CHAF1B: variants seen among roughly 807,000 people sequenced by gnomAD.
The protein encoded by CHAF1B is chromatin assembly factor 1 subunit B, also known as CAF-1 subunit B.
In CHAF1B, 10 loss-of-function variants were observed where a neutral mutation model predicts 60.7. The observed-to-expected ratio is 0.16, with a 90% confidence interval of 0.10 to 0.28. CHAF1B has a LOEUF of 0.28. Among genes scored for constraint, CHAF1B ranks in the 10% least tolerant of loss-of-function variants. The pLI is 1.00. For missense variants in CHAF1B, 558 were observed against 708.4 expected (o/e 0.79, Z 2.41); for synonymous variants, 261 against 266.1 (o/e 0.98, Z 0.19).
At chr21:36,392,179 C>G (rs562600867) in intron 4 of CHAF1B, among the ~76,000 whole-genome samples, 4 of 151,826 alleles carry the variant, frequency 2.6e-5, no homozygotes, top group African/African-American at 7.3e-5. Context: ...CATCTTGTAC[C>G]GTCCTTAATC....
chr21:36,412,568 G>C (rs1027609245), intron 11 of CHAF1B, among the ~76,000 whole-genome samples: 5 of 152,018 alleles, frequency 3.3e-5, no homozygotes, highest in African/African-American at 1.2e-4. Context: ...CACCATGTTG[G>C]CCAGGCTGGT....
At chr21:36,396,766 T>C (rs2086143322) in intron 5 of CHAF1B, among the ~76,000 whole-genome samples, 1 of 152,208 alleles carries the variant, frequency 6.6e-6, no homozygotes, top group South Asian at 2.1e-4. Flanking sequence ...TTTCCATCCC[T>C]GTTCGCATTG....
At position 36,409,354 on chromosome 21, in the gene CHAF1B, C is replaced by T. The variant is rs1568818969; in HGVS notation, c.828-20C>T. On this transcript the variant is annotated intron_variant, in intron 9 of 13. Coordinates refer to ENST00000314103, the MANE Select transcript of CHAF1B (RefSeq NM_005441.3). ...GCTTAGTCACAGTGCCTTTTCCTAA[C>T]ACTGCAATTAATCCATTAGGCCCAT... The T allele has an allele frequency of 1.9e-6, 3 of 1,596,818 alleles. No individual in the cohort carries two copies. Among genetic ancestry groups the T allele is most frequent in the Admixed American group, 1.7e-5 (1 of 59,428 alleles).
At chr21:36,387,782 G>A in intron 3 of CHAF1B, 52 bp downstream of exon 3, 1 of 1,579,592 alleles carries the variant, frequency 6.3e-7, no homozygotes, top group Non-Finnish European at 8.7e-7. Context: ...AGATACCTGT[G>A]TGTCTTGTGT....
chr21:36,396,155 A>C (rs2086135722), intron 5 of CHAF1B, among the ~76,000 whole-genome samples: 2 of 149,636 alleles, frequency 1.3e-5, no homozygotes, highest in South Asian at 2.1e-4. Flanking sequence ...GCCCGCCACC[A>C]CTCCCAGCTA....
intron 4 of CHAF1B, among the ~76,000 whole-genome samples, chr21:36,391,926 T>TA (rs1273333530): frequency 2.9e-4 from 41 of 141,396 alleles, no homozygotes; most frequent in African/African-American, 1.1e-3. Context: ...TTTTTTTTTT[T>TA]TTTTTTTTTT....
chr21:36,412,863 T>A, intron 11 of CHAF1B, 21 bp from the exon 12 acceptor site: 2 of 1,600,956 alleles, frequency 1.2e-6, no homozygotes, highest in South Asian at 1.1e-5. Context: ...TCTGTAACTT[T>A]TCCCTGTTTT....
In CHAF1B at chr21:36,394,641, G is replaced by A. The variant is rs1279874172; in HGVS notation, c.472G>A (p.Val158Ile). 15 of 1,600,838 alleles carry A rather than the reference G, an allele frequency of 9.4e-6. No homozygotes were observed. Among genetic ancestry groups the A allele is most frequent in the Non-Finnish European group, 1.3e-5 (15 of 1,170,254 alleles). Residue 158 changes from valine (V) to isoleucine (I), a missense_variant, in exon 5 of 14, where the codon GTC (valine) becomes ATC (isoleucine). Around this residue, in one of 2 missense-constraint regions of CHAF1B, gnomAD observed 325 missense variants for 493.5 expected, o/e 0.66. Coordinates refer to ENST00000314103, the MANE Select transcript of CHAF1B (RefSeq NM_005441.3). Reference sequence around the variant, plus strand: ...GGATAACACAGCCATCATATGGGATGTCAGCAAAGGTAAATGATATATTTT... The same window carrying A: ...GGATAACACAGCCATCATATGGGATATCAGCAAAGGTAAATGATATATTTT... ...SVDNTAIIWDVSKGQKISIFN... is the reference protein window; with the variant it reads ...SVDNTAIIWDISKGQKISIFN...
chr21:36,391,812 C>G (rs1034460494), intron 4 of CHAF1B, 144 bp downstream of exon 4: 8 of 489,954 alleles, frequency 1.6e-5, no homozygotes, highest in African/African-American at 1.4e-4. Context: ...GATCACAGTA[C>G]CCTGCAGCCT....
intron 7 of CHAF1B, among the ~76,000 whole-genome samples, chr21:36,401,100 C>G (rs1257267785): frequency 6.6e-6 from 1 of 151,874 alleles, no homozygotes; most frequent in Non-Finnish European, 1.5e-5. Context: ...AACCCTGTCT[C>G]TACTAGAAAT....
At chr21:36,389,814 GA>G (rs2086071972) in intron 3 of CHAF1B, among the ~76,000 whole-genome samples, 7 of 105,648 alleles carry the variant, frequency 6.6e-5, no homozygotes, top group African/African-American at 2.7e-4. Flanking sequence ...CGCGCACGCT[GA>G]TTTGTAGAGG....
At chr21:36,414,366 T>C (rs2146378358) in intron 12 of CHAF1B, among the ~76,000 whole-genome samples, 2 of 152,342 alleles carry the variant, frequency 1.3e-5, no homozygotes, top group South Asian at 4.1e-4. Flanking sequence ...GGCAAGTTCA[T>C]AATATGTGTA....
intron 8 of CHAF1B, among the ~76,000 whole-genome samples, chr21:36,403,476 A>G (rs543244183): frequency 3.7e-3 from 559 of 151,302 alleles, no homozygotes; most frequent in African/African-American, 0.012. Flanking sequence ...AAAAAAAAAA[A>G]AAAAGAAACT....
At chr21:36,407,934 C>T (rs931776485) in intron 8 of CHAF1B, among the ~76,000 whole-genome samples, 5 of 151,714 alleles carry the variant, frequency 3.3e-5, no homozygotes, top group East Asian at 1.9e-4. Context: ...GCCAAGATCA[C>T]GCCATCGCAC....
intron 3 of CHAF1B, 90 bp downstream of exon 3, chr21:36,387,820 CTT>C (rs372818231): frequency 0.049 from 52,435 of 1,076,930 alleles, 156 homozygotes; most frequent in Admixed American, 0.08. Context: ...GCTGGATATG[CTT>C]TTTTTTTTTT....
rs935334426 is a variant in CHAF1B, at chr21:36,416,437, G to C, written c.*71G>C. 3.5e-5 allele frequency: 44 copies of C among 1,273,596 alleles called. No individual in the cohort carries two copies. Among genetic ancestry groups the C allele is most frequent in the Non-Finnish European group, 4.9e-5 (44 of 903,002 alleles). The allele number at this position is 1,273,596 out of a possible 1,614,324, so 78.9% of individuals were successfully genotyped here. On this transcript the variant is annotated 3_prime_UTR_variant, in exon 14 of 14. Coordinates refer to ENST00000314103, the MANE Select transcript of CHAF1B (RefSeq NM_005441.3). ...GCAGGGAGACGGTAAAGCTGGAGGT[G>C]CCTGAGACCAGGGCTTCCATGGAGC...
chr21:36,392,336 C>T (rs1470221780), intron 4 of CHAF1B, among the ~76,000 whole-genome samples: 1 of 152,242 alleles, frequency 6.6e-6, no homozygotes, highest in Non-Finnish European at 1.5e-5. Context: ...TCTACACAGA[C>T]ACAGCAACAA....
chr21:36,411,487 A>G lies in CHAF1B; in HGVS notation c.944A>G (p.Tyr315Cys). The G allele has an allele frequency of 6.2e-7, 1 of 1,613,878 alleles. No individual in the cohort carries two copies. Among genetic ancestry groups the G allele is most frequent in the Non-Finnish European group, 8.5e-7 (1 of 1,179,974 alleles). Residue 315 changes from tyrosine (Y) to cysteine (C), a missense_variant, in exon 11 of 14, where the codon TAC (tyrosine) becomes TGC (cysteine). By Grantham distance (194) the Tyr-to-Cys change is radical (BLOSUM62 -2). This residue lies in a region of CHAF1B where 325 missense variants were observed against 493.5 expected (regional missense o/e 0.66). Transcript: ENST00000314103. ...GGTGTGGAGCTGATGAGTCTGCCCT[A>G]CCGCCTGGTGTTTGCTGTGGCCTCG... ...ETGVELMSLP[Y>C]RLVFAVASED...
intron 11 of CHAF1B, 145 bp from the exon 12 acceptor site, chr21:36,412,739 C>A (rs1444547089): frequency 8.4e-6 from 6 of 712,006 alleles, no homozygotes; most frequent in African/African-American, 1.8e-5. Context: ...ATGAGTGAGT[C>A]GCTATCACAC....
Sources: gnomAD v4.1 joint callset for allele counts (sites outside exome capture counted in the v4.1 genomes callset) on GRCh38, gnomAD v4.1.1 for gene constraint, gnomAD v4.1.1 regional missense constraint, MANE v1.5 for transcripts, NCBI Gene and HGNC (gene_info 2026-07-23, HGNC 2026-07-21) for gene names.